Variants in C2orf49 observed in about 807,000 individuals in gnomAD.
C2orf49 encodes tRNA-splicing ligase complex subunit ASW.
A neutral mutation model predicts 20.6 loss-of-function variants in C2orf49; 11 were observed. The observed-to-expected ratio is 0.53, with a 90% confidence interval of 0.34 to 0.88. C2orf49 has a LOEUF of 0.88. C2orf49 is among the 40% of genes least tolerant of loss of function. The pLI, the probability that C2orf49 is intolerant of heterozygous loss-of-function variation, is 0.02. For synonymous variants in C2orf49, 134 were observed against 108.5 expected (o/e 1.24, Z -1.46); for missense variants, 289 against 274.2 (o/e 1.05, Z -0.38).
At chr2:105,379,887 C>T in the C2orf49 span, among the ~76,000 whole-genome samples, 163 of 152,210 alleles carry the variant, frequency 1.1e-3, no homozygotes, top group African/African-American at 3.8e-3. Context: ...CCATGTGCCA[C>T]GCCGGCGACC....
chr2:105,373,773 A>G, the C2orf49 span: 7 of 1,609,856 alleles, frequency 4.3e-6, no homozygotes, highest in African/African-American at 6.7e-5. Flanking sequence ...GAGGCAGGAC[A>G]GGAGGGCTTG....
the C2orf49 span, among the ~76,000 whole-genome samples, chr2:105,356,100 T>C: frequency 6.6e-6 from 1 of 151,996 alleles, no homozygotes; most frequent in Admixed American, 6.6e-5. Context: ...ATTTTAAAAA[T>C]AGACATCAGC....
At chr2:105,356,017 G>C in the C2orf49 span, among the ~76,000 whole-genome samples, 76 of 152,264 alleles carry the variant, frequency 5.0e-4, no homozygotes, top group African/African-American at 1.7e-3. Flanking sequence ...TGCCAAGATG[G>C]GGGGAATCGC....
the C2orf49 span, among the ~76,000 whole-genome samples, chr2:105,384,509 T>G: frequency 2.0e-4 from 30 of 152,214 alleles, 1 homozygote; most frequent in South Asian, 5.6e-3. Context: ...CTCCCCAGTT[T>G]TTTTTGGGTC....
At chr2:105,360,396 T>A in the C2orf49 span, 1 of 151,630 alleles carries the variant, frequency 6.6e-6, no homozygotes, top group Non-Finnish European at 1.5e-5. Flanking sequence ...TCTCTTTGTC[T>A]TCCAGGCTGG....
chr2:105,383,834 A>C, the C2orf49 span, among the ~76,000 whole-genome samples: 7 of 152,360 alleles, frequency 4.6e-5, no homozygotes, highest in African/African-American at 1.7e-4. Flanking sequence ...AAAAGCCCCA[A>C]ATGCCAAGGT....
At chr2:105,343,869 A>G (rs1054740980) in intron 3 of C2orf49, among the ~76,000 whole-genome samples, 1 of 151,590 alleles carries the variant, frequency 6.6e-6, no homozygotes, top group African/African-American at 2.4e-5. Flanking sequence ...TATAAAATAT[A>G]TATAGGCGCT....
the C2orf49 span, among the ~76,000 whole-genome samples, chr2:105,368,769 G>A: frequency 5.3e-5 from 8 of 152,124 alleles, no homozygotes; most frequent in Non-Finnish European, 7.3e-5. Flanking sequence ...CCAGATAGGC[G>A]TATAAACAAG....
the C2orf49 span, among the ~76,000 whole-genome samples, chr2:105,384,331 G>T: frequency 2.6e-5 from 4 of 152,188 alleles, no homozygotes; most frequent in Non-Finnish European, 2.9e-5. Flanking sequence ...AGAGGGTGAA[G>T]CTTCTGAAAG....
intron 2 of C2orf49, among the ~76,000 whole-genome samples, chr2:105,341,287 G>A (rs921871204): frequency 6.6e-5 from 10 of 152,202 alleles, no homozygotes; most frequent in African/African-American, 2.2e-4. Flanking sequence ...TTGTACAACT[G>A]TCTTGATTAG....
At chr2:105,364,823 TAA>T in the C2orf49 span, among the ~76,000 whole-genome samples, 129 of 152,302 alleles carry the variant, frequency 8.5e-4, 1 homozygote, top group African/African-American at 2.9e-3. Context: ...TCAGAGAAAT[TAA>T]AAAGTGACTT....
chr2:105,339,571 C>T lies in C2orf49; in HGVS notation c.100-12C>T. The T allele has an allele frequency of 1.3e-6, 2 of 1,574,956 alleles. No homozygotes were observed. The highest frequency in any genetic ancestry group is 4.3e-5 in the Admixed American group (2 of 47,030). The stretch of plus-strand genomic sequence containing the variant: ...CATTGTTTTGAAATTACTTTTGTTT[C>T]CTTTCCCGCAGAAGAACATAGCTGT... On this transcript the variant is annotated splice_polypyrimidine_tract_variant and intron_variant, in intron 1 of 3. Coordinates refer to ENST00000258457, the MANE Select transcript of C2orf49 (RefSeq NM_024093.3).
chr2:105,340,469 A>G (rs993424984), intron 2 of C2orf49, among the ~76,000 whole-genome samples: 7 of 152,200 alleles, frequency 4.6e-5, no homozygotes, highest in Admixed American at 3.3e-4. Context: ...AGCTTTGACT[A>G]CAATAGTAAA....
intron 1 of C2orf49, among the ~76,000 whole-genome samples, chr2:105,339,109 AT>A (rs946802486): frequency 2.6e-5 from 4 of 152,210 alleles, no homozygotes; most frequent in African/African-American, 9.6e-5. Context: ...GTTAACTTCA[AT>A]TTAGGAAGCA....
the C2orf49 span, among the ~76,000 whole-genome samples, chr2:105,369,972 G>A: frequency 1.3e-5 from 2 of 152,192 alleles, no homozygotes; most frequent in African/African-American, 4.8e-5. Flanking sequence ...CAGCAATACC[G>A]GCAGGTGGCA....
At chr2:105,373,459 G>T in the C2orf49 span, 10 of 1,300,608 alleles carry the variant, frequency 7.7e-6, no homozygotes, top group Non-Finnish European at 1.1e-5. Flanking sequence ...AAGTCAACAC[G>T]AGTGTCTGGA....
the C2orf49 span, among the ~76,000 whole-genome samples, chr2:105,380,373 C>T: frequency 6.6e-6 from 1 of 152,138 alleles, no homozygotes; most frequent in Non-Finnish European, 1.5e-5. Context: ...TTTCTTCTAT[C>T]TATCTGTTCT....
the C2orf49 span, chr2:105,360,234 G>T: frequency 1.3e-5 from 2 of 151,076 alleles, no homozygotes; most frequent in African/African-American, 4.9e-5. Flanking sequence ...CGCGGGAAGT[G>T]GAGGTTGCAG....
chr2:105,380,902 C>T, the C2orf49 span, among the ~76,000 whole-genome samples: 46 of 152,218 alleles, frequency 3.0e-4, no homozygotes, highest in Non-Finnish European at 1.6e-4. Flanking sequence ...GGCCCACACA[C>T]TTCCTTTCTG....
Sources: allele counts gnomAD v4.1 joint callset (sites outside exome capture counted in the v4.1 genomes callset), GRCh38; gene constraint gnomAD v4.1.1; transcripts MANE v1.5; gene names NCBI Gene and HGNC (gene_info 2026-07-23, HGNC 2026-07-21).